The following ABCC5 variants were observed in gnomAD, a reference collection of about 807,000 sequenced individuals.
ABCC5 encodes the protein ATP binding cassette subfamily C member 5, also known as ATP-binding cassette sub-family C member 5.
ABCC5 carries 61 observed loss-of-function variants against 160.9 expected under a neutral mutation model. The observed-to-expected ratio is 0.38, with a 90% confidence interval of 0.31 to 0.47. ABCC5 has a LOEUF of 0.47. Ranked by LOEUF, ABCC5 falls within the 20% of genes least tolerant of loss-of-function variation. ABCC5 has a pLI of 0.99. For missense variants in ABCC5, 1,308 were observed against 1,813.3 expected, an observed-to-expected ratio of 0.72 and a Z score of 5.06; for synonymous variants, 666 against 700.6, an observed-to-expected ratio of 0.95 and a Z score of 0.78.
intron 26 of ABCC5, among the ~76,000 whole-genome samples, chr3:183,935,121 C>T (rs914167327): frequency 5.3e-5 from 8 of 151,856 alleles, no homozygotes; most frequent in Non-Finnish European, 1.0e-4. Flanking sequence ...TCAGGTGATC[C>T]GCCCTCCTCG....
In ABCC5 at chr3:183,938,025, C is replaced by T. The variant is rs1379722657; in HGVS notation, c.3730G>A (p.Val1244Met). Residue 1244 changes from valine (V) to methionine (M), a missense_variant, in exon 26 of 30, where the codon GTG (valine) becomes ATG (methionine). By Grantham distance (21) the Val-to-Met change is conservative. Transcript: ENST00000334444. ...SSLGMALFRL[V>M]ELSGGCIKID... ...TTGATGCAGCCTCCAGATAACTCCACCAGACGGAAGAGGGCCATCCCCAGC... is the reference window on the plus strand; with the variant it reads ...TTGATGCAGCCTCCAGATAACTCCATCAGACGGAAGAGGGCCATCCCCAGC... 1 of 1,614,190 alleles carries T rather than the reference C, an allele frequency of 6.2e-7. No homozygotes were observed. Among genetic ancestry groups the T allele is most frequent in the African/African-American group, 1.3e-5 (1 of 75,044 alleles).
At chr3:183,954,659 C>T (rs1257910611) in intron 17 of ABCC5, among the ~76,000 whole-genome samples, 3 of 152,084 alleles carry the variant, frequency 2.0e-5, no homozygotes, top group Non-Finnish European at 2.9e-5. Context: ...TGAGGATCTC[C>T]CTGGCGCACT....
At chr3:184,001,733 C>T (rs1424118938) in intron 2 of ABCC5, among the ~76,000 whole-genome samples, 1 of 152,114 alleles carries the variant, frequency 6.6e-6, no homozygotes, top group Non-Finnish European at 1.5e-5. Context: ...ATAGGCTGAC[C>T]TAGAGGAATG....
intron 29 of ABCC5, among the ~76,000 whole-genome samples, chr3:183,922,518 G>C (rs559402587): frequency 1.3e-4 from 20 of 152,366 alleles, no homozygotes; most frequent in African/African-American, 3.8e-4. Context: ...GAAGAGCTCA[G>C]AATGTCTAGT....
chr3:183,967,542 T>C, intron 12 of ABCC5, 153 bp downstream of exon 12: 2 of 688,580 alleles, frequency 2.9e-6, no homozygotes, highest in Non-Finnish European at 5.1e-6. Flanking sequence ...GGGGGAGAAC[T>C]GGGGGGAACT....
chr3:183,989,232 G>A lies in ABCC5; in HGVS notation c.281C>T (p.Thr94Ile). ...ACTCAGCACGGCATCTTACTTGGAA[G>A]TAGTCCGGATGGGCTTCAGAGCACT... ...GLSALKPIRT[T>I]SKHQHPVDNA... is the part of the protein sequence containing the mutation. Residue 94 changes from threonine to isoleucine, a missense_variant, in exon 3 of 30, where the codon ACT (threonine) becomes ATT (isoleucine). Thr to Ile is a moderately conservative substitution (Grantham distance 89). Around this residue, in one of 3 missense-constraint regions of ABCC5, gnomAD observed 1,142 missense variants for 1,527.1 expected, o/e 0.75. Coordinates refer to ENST00000334444, the MANE Select transcript of ABCC5 (RefSeq NM_005688.4). The A allele has an allele frequency of 6.3e-7, 1 of 1,594,774 alleles. No homozygotes were observed. The highest frequency in any genetic ancestry group is 8.6e-7 in the Non-Finnish European group (1 of 1,168,186).
chr3:183,955,992 A>G (rs9917823), intron 17 of ABCC5, among the ~76,000 whole-genome samples: 74,760 of 130,036 alleles, frequency 0.57, 26,124 homozygotes, highest in East Asian at 0.81. Flanking sequence ...ATGCAGCTCC[A>G]TGTGTATATC....
intron 2 of ABCC5, among the ~76,000 whole-genome samples, chr3:184,003,120 C>T (rs368607627): frequency 1.1e-4 from 17 of 152,190 alleles, no homozygotes; most frequent in Admixed American, 7.9e-4. Flanking sequence ...CCCAGGCCCA[C>T]GCAGCCTTTA....
At chr3:183,927,271 G>GGCAA (rs1712678039) in intron 28 of ABCC5, 59 bp downstream of exon 28, 1 of 1,548,162 alleles carries the variant, frequency 6.5e-7, no homozygotes, top group South Asian at 1.2e-5. Flanking sequence ...AGTGTGTCAG[G>GGCAA]GCAAGGCTGC....
At chr3:183,926,650 T>C (rs1463619111) in intron 28 of ABCC5, among the ~76,000 whole-genome samples, 3 of 152,178 alleles carry the variant, frequency 2.0e-5, no homozygotes, top group Non-Finnish European at 2.9e-5. Flanking sequence ...TTTTTTCCCT[T>C]GAATCCAATA....
At position 183,982,102 on chromosome 3, in the gene ABCC5, T is replaced by A. The variant is rs76150001; in HGVS notation, c.1000-228A>T. On this transcript the variant is annotated intron_variant, in intron 7 of 29. Coordinates refer to ENST00000334444, the MANE Select transcript of ABCC5 (RefSeq NM_005688.4). This position sits in a 1 kb window ranked among gnomAD's most constrained non-coding sequence, Gnocchi z 5.2. ...GGCAATGAAGACAAGAAAGTATTTA[T>A]TCTCAATAGTGACCACAGAGACTGA... Among the ~76,000 whole-genome samples the A allele has an allele frequency of 0.036, 5,505 of 152,216 alleles. 327 individuals are homozygous for A. Among genetic ancestry groups the A allele is most frequent in the African/African-American group, 0.12 (5,153 of 41,508 alleles).
At chr3:183,928,854 G>A (rs1297203116) in intron 26 of ABCC5, 29 bp from the exon 27 acceptor site, 4 of 1,595,590 alleles carry the variant, frequency 2.5e-6, no homozygotes, top group Non-Finnish European at 3.4e-6. Context: ...ATTTCTCAGT[G>A]GTCCCACCCT....
rs142384016 is a variant in ABCC5, at chr3:183,963,276, T to C, written c.2235+109A>G. On this transcript the variant is annotated intron_variant, in intron 15 of 29. Transcript: ENST00000334444. This position sits in a 1 kb window ranked among gnomAD's most constrained non-coding sequence, Gnocchi z 4.6. ...CTAATTTGCTAAGAAAATGAAACCT[T>C]GATTCCAGGAATTTCTAGTTATAAC... 357 of 1,236,520 alleles carry C rather than the reference T, an allele frequency of 2.9e-4. No homozygotes were observed. The African/African-American group carries it at 4.6e-3, about 16-fold the overall frequency. 76.6% of individuals were successfully genotyped at this position (1,236,520 alleles called of 1,614,324 possible). A position where few individuals can be genotyped will look rare whatever the true frequency, so the allele number is the denominator to read the frequency against.
chr3:183,964,450 C>T (rs983936059), intron 14 of ABCC5, among the ~76,000 whole-genome samples: 5 of 152,176 alleles, frequency 3.3e-5, no homozygotes, highest in African/African-American at 1.2e-4. Context: ...GAATTACCTG[C>T]AGGGTTTGTT....
At chr3:183,977,843 C>T (rs1392418949) in intron 9 of ABCC5, among the ~76,000 whole-genome samples, 1 of 152,122 alleles carries the variant, frequency 6.6e-6, no homozygotes, top group African/African-American at 2.4e-5. Context: ...ACTTCCACCT[C>T]CCAGGTTCAA....
chr3:183,973,584 T>C (rs577307945), intron 10 of ABCC5, among the ~76,000 whole-genome samples: 1 of 152,194 alleles, frequency 6.6e-6, no homozygotes, highest in African/African-American at 2.4e-5. Context: ...AAACAAACCC[T>C]TTCTCTCTTA....
chr3:183,997,098 A>G (rs1198758960), intron 2 of ABCC5, among the ~76,000 whole-genome samples: 1 of 152,236 alleles, frequency 6.6e-6, no homozygotes, highest in Non-Finnish European at 1.5e-5. Flanking sequence ...TTCAAATGTT[A>G]ACATGAAAAA....
rs768914928 is a variant in ABCC5 at position 183,925,550 on chromosome 3, G to A, written c.4212+5C>T. 6.8e-6 allele frequency: 11 copies of A among 1,611,908 alleles called. No homozygotes were observed. Among genetic ancestry groups the A allele is most frequent in the Admixed American group, 6.8e-5 (4 of 59,184 alleles). ...CCAAGCCAAAGTTCCTGAAGGACTCGGTACCTGTCCCTGGGCCAGCACCAT... is the reference window on the plus strand; with the variant it reads ...CCAAGCCAAAGTTCCTGAAGGACTCAGTACCTGTCCCTGGGCCAGCACCAT... On this transcript the variant is annotated splice_donor_5th_base_variant and intron_variant, in intron 29 of 29. Coordinates refer to ENST00000334444, the MANE Select transcript of ABCC5 (RefSeq NM_005688.4).
chr3:183,983,385 T>G, intron 5 of ABCC5: 1 of 249,526 alleles, frequency 4.0e-6, no homozygotes, highest in South Asian at 6.3e-5. Flanking sequence ...GACCTTTTTT[T>G]TGGATCGTTT....
Sources: allele counts gnomAD v4.1 joint callset (sites outside exome capture counted in the v4.1 genomes callset), GRCh38; gene constraint gnomAD v4.1.1; regional missense constraint gnomAD v4.1.1; non-coding constraint Gnocchi (gnomAD v3.1); transcripts MANE v1.5; gene names NCBI Gene and HGNC (gene_info 2026-07-23, HGNC 2026-07-21).